CRACR2A: variants seen among roughly 807,000 people sequenced by gnomAD.
CRACR2A encodes EF-hand calcium-binding domain-containing protein 4B.
Under a neutral mutation model 90.5 loss-of-function variants are expected in CRACR2A, and 79 were observed. That is an observed-to-expected ratio of 0.87 (90% CI 0.73 to 1.05). The LOEUF (loss-of-function observed/expected upper bound fraction) is 1.05. Ranked by LOEUF, CRACR2A falls within the 50% of genes least tolerant of loss-of-function variation. The pLI, the probability that CRACR2A is intolerant of heterozygous loss-of-function variation, is 0.00. For missense variants in CRACR2A, 823 were observed against 897.2 expected, an observed-to-expected ratio of 0.92 and a Z score of 1.06; for synonymous variants, 338 against 356.7, an observed-to-expected ratio of 0.95 and a Z score of 0.59.
At chr12:3,740,505 TTTATGAGGCAA>T in intron 1 of CRACR2A, among the ~76,000 whole-genome samples, 1 of 152,192 alleles carries the variant, frequency 6.6e-6, no homozygotes, top group Non-Finnish European at 1.5e-5. Context: ...TCTTATTTTA[TTTATGAGGCAA>T]TAATTATATC....
At chr12:3,644,045 G>A (rs188049053) in intron 12 of CRACR2A, among the ~76,000 whole-genome samples, 9,655 of 121,810 alleles carry the variant, frequency 0.079, 484 homozygotes, top group African/African-American at 0.15. Flanking sequence ...GTGATTCTAC[G>A]ACTCATATAT....
intron 1 of CRACR2A, among the ~76,000 whole-genome samples, chr12:3,742,687 C>G (rs908734328): frequency 6.6e-6 from 1 of 152,234 alleles, no homozygotes; most frequent in Non-Finnish European, 1.5e-5. Context: ...GAATGACCCT[C>G]AGACACTGTC....
Position 3,696,948 on chromosome 12 carries a change from C to T in CRACR2A, c.52G>A (p.Gly18Arg). ...CTCCCCTTTGGCCCCTGGCCAGACC[C>T]CTGACCAAGTCTCTGGGGTCTGGAG... ...VVSRPQRLGQ[G>R]SGQGPKGSGA... The change falls in exon 4 of 20, where the codon GGG becomes AGG. Residue 18 changes from glycine to arginine, a missense_variant. Transcript: ENST00000440314. The T allele has an allele frequency of 6.2e-7, 1 of 1,614,158 alleles. No homozygotes were observed. The highest frequency in any genetic ancestry group is 8.5e-7 in the Non-Finnish European group (1 of 1,180,008).
intron 15 of CRACR2A, among the ~76,000 whole-genome samples, chr12:3,632,859 TTTG>T (rs1055518817): frequency 6.6e-5 from 10 of 152,226 alleles, no homozygotes; most frequent in African/African-American, 2.2e-4. Context: ...ATGCAATGTA[TTTG>T]TTTTTTGTTG....
At chr12:3,688,769 G>A (rs576140122) in intron 4 of CRACR2A, among the ~76,000 whole-genome samples, 16 of 152,232 alleles carry the variant, frequency 1.1e-4, no homozygotes, top group Middle Eastern at 3.4e-3. Context: ...TGTATAAATC[G>A]CTTTAGGCAG....
intron 3 of CRACR2A, among the ~76,000 whole-genome samples, chr12:3,712,690 T>C (rs192192806): frequency 3.3e-5 from 5 of 152,212 alleles, no homozygotes; most frequent in Admixed American, 3.3e-4. Context: ...GTGACAAATA[T>C]CCAAACTATT....
Position 3,641,729 on chromosome 12 carries a change from T to C in CRACR2A, c.1271+3A>G, listed in dbSNP as rs1944575572. On this transcript the variant is annotated splice_donor_region_variant and intron_variant, in intron 13 of 19. Coordinates refer to ENST00000440314, the MANE Select transcript of CRACR2A (RefSeq NM_001144958.2). Reference sequence around the variant, plus strand: ...AAGGGATGAGCAAGTGGAGATGACTTACCTCCTAAGAATCCCTCTGCTGTC... The same window carrying C: ...AAGGGATGAGCAAGTGGAGATGACTCACCTCCTAAGAATCCCTCTGCTGTC... The C allele has an allele frequency of 6.4e-7, 1 of 1,550,986 alleles. No individual in the cohort carries two copies. Among genetic ancestry groups the C allele is most frequent in the African/African-American group, 1.4e-5 (1 of 73,040 alleles).
At chr12:3,721,585 CAA>C (rs60808773) in intron 2 of CRACR2A, among the ~76,000 whole-genome samples, 17 of 113,696 alleles carry the variant, frequency 1.5e-4, no homozygotes, top group African/African-American at 3.8e-4. Flanking sequence ...AATCATGTCT[CAA>C]AAAAAAAAAA....
rs1433175721 is a variant in CRACR2A, at chr12:3,615,403, GTCC to G, written c.2145_2147del (p.Glu715del). 6.4e-7 allele frequency: 1 copy of G among 1,551,380 alleles called. No individual in the cohort carries two copies. The highest frequency in any genetic ancestry group is 8.7e-7 in the Non-Finnish European group (1 of 1,146,880). The stretch of plus-strand genomic sequence containing the variant: ...TAGCAGGGTGGCCGACCTGAATGGT[GTCC>G]TCTCTCACTGTGTCTTCTTGCTCCT... On this transcript the variant is annotated inframe_deletion, in exon 20 of 20. Coordinates refer to ENST00000440314, the MANE Select transcript of CRACR2A (RefSeq NM_001144958.2).
At chr12:3,661,261 C>G (rs1443143794) in intron 7 of CRACR2A, among the ~76,000 whole-genome samples, 3 of 152,178 alleles carry the variant, frequency 2.0e-5, no homozygotes, top group Non-Finnish European at 4.4e-5. Context: ...ACAGAAACCA[C>G]AAATCTGACC....
chr12:3,693,456 T>TTTA (rs1945685972), intron 4 of CRACR2A, among the ~76,000 whole-genome samples: 1 of 152,246 alleles, frequency 6.6e-6, no homozygotes. Context: ...TAAAGTCTCC[T>TTTA]GTGGGAGTAA....
In CRACR2A at chr12:3,696,955, A is replaced by C. The variant is rs748243211; in HGVS notation, c.45T>G (p.Leu15=). ...TTGGCCCCTGGCCAGACCCCTGACC[A>C]AGTCTCTGGGGTCTGGAGACTACCC... ...DGRVVSRPQR[L]GQGSGQGPKG... Residue 15 remains leucine (L), a synonymous_variant, in exon 4 of 20, where the codon CTT becomes CTG. Transcript: ENST00000440314. The C allele has an allele frequency of 1.2e-6, 2 of 1,614,030 alleles. No homozygotes were observed. Among genetic ancestry groups the C allele is most frequent in the Non-Finnish European group, 1.7e-6 (2 of 1,179,946 alleles).
chr12:3,683,826 G>T (rs1945501438), intron 4 of CRACR2A, among the ~76,000 whole-genome samples: 1 of 152,206 alleles, frequency 6.6e-6, no homozygotes, highest in African/African-American at 2.4e-5. Context: ...TTGACTAAGA[G>T]CAATGGCAGG....
chr12:3,658,258 C>A (rs1394943790), intron 8 of CRACR2A, among the ~76,000 whole-genome samples: 1 of 152,110 alleles, frequency 6.6e-6, no homozygotes, highest in African/African-American at 2.4e-5. Flanking sequence ...AAAATCACGT[C>A]TTTTCCTTTA....
chr12:3,735,594 G>C (rs893136444), intron 1 of CRACR2A, among the ~76,000 whole-genome samples: 3 of 152,220 alleles, frequency 2.0e-5, no homozygotes, highest in Admixed American at 6.5e-5. Flanking sequence ...GGTAGTTCAA[G>C]GATTAGCCCC....
chr12:3,719,276 A>G (rs1446834064), intron 2 of CRACR2A, among the ~76,000 whole-genome samples: 1 of 152,168 alleles, frequency 6.6e-6, no homozygotes, highest in Non-Finnish European at 1.5e-5. Flanking sequence ...TAAAAAAAGC[A>G]TATTCCCCCA....
intron 2 of CRACR2A, among the ~76,000 whole-genome samples, chr12:3,716,193 C>A (rs1409101042): frequency 6.6e-6 from 1 of 152,094 alleles, no homozygotes; most frequent in African/African-American, 2.4e-5. Flanking sequence ...TTGAGCATTC[C>A]AAAAGACCAT....
intron 8 of CRACR2A, among the ~76,000 whole-genome samples, chr12:3,658,498 G>A (rs1944959066): frequency 6.6e-6 from 1 of 152,194 alleles, no homozygotes; most frequent in Non-Finnish European, 1.5e-5. Context: ...CAGCCAGAAT[G>A]CTTTCAGGCG....
At chr12:3,628,235 T>C (rs1265126037) in intron 15 of CRACR2A, among the ~76,000 whole-genome samples, 2 of 151,590 alleles carry the variant, frequency 1.3e-5, no homozygotes, top group Admixed American at 6.6e-5. Flanking sequence ...CTCTCTTTCT[T>C]TCTTTCTTTC....
Sources: allele counts gnomAD v4.1 joint callset (sites outside exome capture counted in the v4.1 genomes callset), GRCh38; gene constraint gnomAD v4.1.1; transcripts MANE v1.5; gene names NCBI Gene and HGNC (gene_info 2026-07-23, HGNC 2026-07-21).